FRY: variants seen among roughly 807,000 people sequenced by gnomAD.
FRY encodes the protein protein furry homolog.
In FRY, 128 loss-of-function variants were observed where a neutral mutation model predicts 348.4. The observed-to-expected ratio is 0.37, with a 90% confidence interval of 0.32 to 0.43. The LOEUF (loss-of-function observed/expected upper bound fraction) is 0.43. Among genes scored for constraint, FRY ranks in the 20% least tolerant of loss-of-function variants. The pLI is 1.00. For missense variants in FRY, 2,736 were observed against 3,695.2 expected (o/e 0.74, Z 6.73); for synonymous variants, 1,370 against 1,374.7 (o/e 1.00, Z 0.08).
intron 41 of FRY, 132 bp from the exon 42 acceptor site, chr13:32,234,442 G>A (rs1031334645): frequency 1.2e-6 from 1 of 800,592 alleles, no homozygotes. Flanking sequence ...AAAAAAAAAT[G>A]GTTGACTTGT....
intron 29 of FRY, among the ~76,000 whole-genome samples, chr13:32,199,090 C>T (rs944567297): frequency 6.6e-6 from 1 of 152,142 alleles, no homozygotes; most frequent in Admixed American, 6.5e-5. Context: ...TTAGGGTGGG[C>T]CCTTGGGGTC....
intron 28 of FRY, among the ~76,000 whole-genome samples, chr13:32,191,833 G>T (rs1488215529): frequency 2.0e-5 from 3 of 152,060 alleles, no homozygotes; most frequent in African/African-American, 7.3e-5. Flanking sequence ...CCTCCTAAAG[G>T]CCCCACCTCC....
chr13:32,194,509 A>G (rs1180516364), intron 29 of FRY, among the ~76,000 whole-genome samples: 2 of 152,216 alleles, frequency 1.3e-5, no homozygotes, highest in African/African-American at 2.4e-5. Context: ...ATTTGTTGTT[A>G]TAGTACCTTT....
intron 11 of FRY, among the ~76,000 whole-genome samples, chr13:32,142,587 A>T (rs1023547306): frequency 1.3e-5 from 2 of 151,908 alleles, no homozygotes; most frequent in African/African-American, 2.4e-5. Flanking sequence ...ACATCTTGTT[A>T]TGTGAAAGCA....
At chr13:32,249,281 C>A (rs951837713) in intron 48 of FRY, among the ~76,000 whole-genome samples, 17 of 150,804 alleles carry the variant, frequency 1.1e-4, no homozygotes, top group African/African-American at 4.1e-4. Context: ...TCAGTGGTTT[C>A]TAAAGCATAT....
rs1190579393 is a variant in FRY, at chr13:32,272,168, A to ATTT, written c.8137-2674_8137-2673insTTT. On this transcript the variant is annotated intron_variant, in intron 55 of 60. Transcript: ENST00000542859. ...ATGCTGGAAATGAAATACATTTCAG[A>ATTT]CCTGCTTTCTGCCTGTTATGAATCA... Among the ~76,000 whole-genome samples, 31 of 152,376 alleles carry ATTT rather than the reference A, an allele frequency of 2.0e-4. 1 individual carries two copies. In the East Asian group the frequency reaches 2.7e-3, roughly 13 times the overall value.
chr13:32,254,214 T>G lies in FRY; in HGVS notation c.7246-10T>G. 1 of 1,613,840 alleles carries G rather than the reference T, an allele frequency of 6.2e-7. No homozygotes were observed. Among genetic ancestry groups the G allele is most frequent in the Non-Finnish European group, 8.5e-7 (1 of 1,179,942 alleles). On this transcript the variant is annotated splice_polypyrimidine_tract_variant and intron_variant, in intron 50 of 60. Coordinates refer to ENST00000542859, the MANE Select transcript of FRY (RefSeq NM_023037.3). ...GAACGGTTTCTCAGGAGAGGACTCT[T>G]GATTCGCAGGTGATTTTTTCATCGT...
At chr13:32,230,139 G>A (rs1048598701) in intron 40 of FRY, among the ~76,000 whole-genome samples, 4 of 152,116 alleles carry the variant, frequency 2.6e-5, no homozygotes, top group African/African-American at 9.7e-5. Flanking sequence ...GTGTCAAGGG[G>A]GTTTGTTGTA....
chr13:32,139,149 T>C (rs1456683110), intron 11 of FRY, among the ~76,000 whole-genome samples: 2 of 152,214 alleles, frequency 1.3e-5, no homozygotes, highest in Non-Finnish European at 2.9e-5. Context: ...TAAAAAATGT[T>C]ATTAATATTC....
intron 1 of FRY, among the ~76,000 whole-genome samples, chr13:32,059,199 C>T (rs1593568714): frequency 1.3e-5 from 2 of 151,076 alleles, no homozygotes; most frequent in East Asian, 1.9e-4. Flanking sequence ...TCCTACAAGG[C>T]TGTTTTAAGT....
chr13:32,268,669 T>C (rs1184677386), intron 55 of FRY, among the ~76,000 whole-genome samples: 3 of 148,810 alleles, frequency 2.0e-5, no homozygotes, highest in Non-Finnish European at 4.4e-5. Context: ...TTTTTTTCAA[T>C]TTCCTATTTT....
Position 32,276,491 on chromosome 13 carries a change from C to A in FRY, c.8314C>A (p.Leu2772Ile). The change falls in exon 57 of 61, where the codon CTC becomes ATC. Residue 2772 changes from leucine (L) to isoleucine (I), a missense_variant. Leu to Ile is a conservative substitution (Grantham distance 5). Around this residue, in one of 9 missense-constraint regions of FRY, gnomAD observed 789 missense variants for 996.2 expected, o/e 0.79. Transcript: ENST00000542859. ...TLLSCGLLDKLKFSVLELQEY... is the reference protein window; with the variant it reads ...TLLSCGLLDKIKFSVLELQEY... ...CCTTTCATGTGGACTTCTGGACAAG[C>A]TCAAGTTCAGTGTGTTAGAACTGCA... 5 of 1,602,550 alleles carry A rather than the reference C, an allele frequency of 3.1e-6. No homozygotes were observed. Among genetic ancestry groups the A allele is most frequent in the Non-Finnish European group, 4.3e-6 (5 of 1,169,462 alleles).
intron 51 of FRY, among the ~76,000 whole-genome samples, chr13:32,256,347 G>C (rs1044278458): frequency 6.6e-6 from 1 of 152,058 alleles, no homozygotes; most frequent in African/African-American, 2.4e-5. Context: ...AGACCAGCCT[G>C]GGCAACAGAG....
At chr13:32,258,990 T>G (rs1887484056) in intron 51 of FRY, among the ~76,000 whole-genome samples, 1 of 152,220 alleles carries the variant, frequency 6.6e-6, no homozygotes, top group Non-Finnish European at 1.5e-5. Context: ...AAAATAGTAT[T>G]TCTAACATTT....
chr13:32,233,309 G>A (rs1471101131), intron 41 of FRY, among the ~76,000 whole-genome samples: 2 of 152,182 alleles, frequency 1.3e-5, no homozygotes, highest in East Asian at 3.8e-4. Context: ...CAGAGCCTCT[G>A]TGTCATAGAG....
chr13:32,252,740 C>G (rs1260277859), intron 50 of FRY, among the ~76,000 whole-genome samples: 1 of 151,736 alleles, frequency 6.6e-6, no homozygotes, highest in African/African-American at 2.4e-5. Context: ...AGTTCATGAG[C>G]AGGTGAAATA....
Position 32,274,835 on chromosome 13 carries a change from C to T in FRY, c.8137-7C>T, listed in dbSNP as rs1260361045. The T allele has an allele frequency of 6.2e-6, 10 of 1,608,808 alleles. No individual in the cohort carries two copies. The highest frequency in any genetic ancestry group is 1.1e-5 in the South Asian group (1 of 90,982). On this transcript the variant is annotated splice_region_variant and splice_polypyrimidine_tract_variant and intron_variant, in intron 55 of 60. Transcript: ENST00000542859. ...CCTTTACAAATGGTCACTATTTTGCCTTGCAGAATATTCAGAAAAGGTTCT... is the reference window on the plus strand; with the variant it reads ...CCTTTACAAATGGTCACTATTTTGCTTTGCAGAATATTCAGAAAAGGTTCT...
Position 32,040,080 on chromosome 13 carries a change from A to G in FRY, c.70+8215A>G, listed in dbSNP as rs74044318. Among the ~76,000 whole-genome samples the G allele has an allele frequency of 5.8e-3, 884 of 152,336 alleles. 11 individuals carry two copies. The highest frequency in any genetic ancestry group is 0.02 in the African/African-American group (833 of 41,570). ...CCTATGCTTAAGAAACACGAGGCCA[A>G]CTTCTTTGAGTTTAGCCTTAAATAG... On this transcript the variant is annotated intron_variant, in intron 1 of 60. Transcript: ENST00000542859.
In FRY at chr13:32,147,875, A is replaced by G. The variant is rs771333409; in HGVS notation, c.1320A>G (p.Lys440=). 6.2e-7 allele frequency: 1 copy of G among 1,611,348 alleles called. No individual in the cohort carries two copies. Among genetic ancestry groups the G allele is most frequent in the South Asian group, 1.1e-5 (1 of 91,026 alleles). The change falls in exon 13 of 61, where the codon AAA becomes AAG. Residue 440 remains lysine, a synonymous_variant. Coordinates refer to ENST00000542859, the MANE Select transcript of FRY (RefSeq NM_023037.3). ...CCATCATCACAACACTTTTCCCCAA[A>G]GGGTCCCGCGGTGTGGTACCAAGGG... The part of the protein sequence containing the change: ...LITIITTLFP[K]GSRGVVPRDM...
Sources: gnomAD v4.1 joint callset for allele counts (sites outside exome capture counted in the v4.1 genomes callset) on GRCh38, gnomAD v4.1.1 for gene constraint, gnomAD v4.1.1 regional missense constraint, MANE v1.5 for transcripts, NCBI Gene and HGNC (gene_info 2026-07-23, HGNC 2026-07-21) for gene names.